SRD5A2: variants seen among roughly 807,000 people sequenced by gnomAD.
The protein encoded by SRD5A2 is steroid 5 alpha-reductase 2, also known as 3-oxo-5-alpha-steroid 4-dehydrogenase 2.
SRD5A2 carries 30 observed loss-of-function variants against 27.4 expected under a neutral mutation model. That is an observed-to-expected ratio of 1.10 (90% CI 0.82 to 1.49). The LOEUF is 1.49. Among genes scored for constraint, SRD5A2 ranks in the 40% most tolerant of loss-of-function variants. The pLI, the probability that SRD5A2 is intolerant of heterozygous loss-of-function variation, is 0.00. For synonymous variants in SRD5A2, 141 were observed against 133.6 expected, an observed-to-expected ratio of 1.06 and a Z score of -0.38; for missense variants, 348 against 323.4, an observed-to-expected ratio of 1.08 and a Z score of -0.58.
the SRD5A2 span, among the ~76,000 whole-genome samples, chr2:31,639,113 A>T: frequency 6.6e-5 from 10 of 152,000 alleles, no homozygotes; most frequent in Non-Finnish European, 1.5e-4. Context: ...GGCTATTTTA[A>T]AAAATCTTAC....
At chr2:31,606,394 T>C in the SRD5A2 span, among the ~76,000 whole-genome samples, 4 of 151,926 alleles carry the variant, frequency 2.6e-5, no homozygotes, top group South Asian at 2.1e-4. Context: ...TATCAAAACA[T>C]TGTACCCCTT....
chr2:31,536,691 T>C (rs2148068896), intron 1 of SRD5A2, among the ~76,000 whole-genome samples: 2 of 152,214 alleles, frequency 1.3e-5, no homozygotes, highest in South Asian at 2.1e-4. Context: ...TGGAAATAGT[T>C]CAAAGCTTGT....
upstream of SRD5A2, among the ~76,000 whole-genome samples, chr2:31,583,647 AAAACC>A (rs1654687831): frequency 1.0e-4 from 3 of 29,552 alleles, no homozygotes; most frequent in African/African-American, 2.0e-4. Flanking sequence ...AAGCAAAAAA[AAAACC>A]AAAAAAAAAG....
chr2:31,606,118 T>C, the SRD5A2 span, among the ~76,000 whole-genome samples: 13 of 151,874 alleles, frequency 8.6e-5, no homozygotes, highest in East Asian at 2.3e-3. Flanking sequence ...CTCATGGAGA[T>C]AAACAGTAGA....
At chr2:31,617,404 A>G in the SRD5A2 span, among the ~76,000 whole-genome samples, 1 of 152,178 alleles carries the variant, frequency 6.6e-6, no homozygotes, top group Admixed American at 6.5e-5. Flanking sequence ...GAGCTGCCAC[A>G]AAAGTCTCTG....
the SRD5A2 span, among the ~76,000 whole-genome samples, chr2:31,601,939 A>G: frequency 6.6e-6 from 1 of 152,132 alleles, no homozygotes; most frequent in Non-Finnish European, 1.5e-5. Flanking sequence ...TGACAAATCC[A>G]CAGCCAATAT....
At chr2:31,581,923 C>T (rs963752183), upstream of SRD5A2, among the ~76,000 whole-genome samples, 1 of 152,178 alleles carries the variant, frequency 6.6e-6, no homozygotes, top group Admixed American at 6.5e-5. Flanking sequence ...CCAGCCCCTC[C>T]GTCTTCTACC....
the SRD5A2 span, among the ~76,000 whole-genome samples, chr2:31,646,743 G>A: frequency 6.6e-6 from 1 of 152,094 alleles, no homozygotes; most frequent in Non-Finnish European, 1.5e-5. Context: ...AAAAAAAAAT[G>A]AGGTTAGACT....
At chr2:31,629,097 C>T in the SRD5A2 span, among the ~76,000 whole-genome samples, 1 of 152,098 alleles carries the variant, frequency 6.6e-6, no homozygotes, top group Non-Finnish European at 1.5e-5. Flanking sequence ...AACACTGCCC[C>T]CAATGCCGGT....
chr2:31,612,750 T>C, the SRD5A2 span, among the ~76,000 whole-genome samples: 1 of 152,194 alleles, frequency 6.6e-6, no homozygotes. Context: ...AGGATCACAC[T>C]GACAGATTTC....
At chr2:31,601,295 A>G in the SRD5A2 span, among the ~76,000 whole-genome samples, 2 of 152,080 alleles carry the variant, frequency 1.3e-5, no homozygotes, top group Non-Finnish European at 2.9e-5. Flanking sequence ...AAACATCTCT[A>G]TGCAATAAAC....
At chr2:31,624,668 C>T in the SRD5A2 span, among the ~76,000 whole-genome samples, 1 of 152,122 alleles carries the variant, frequency 6.6e-6, no homozygotes, top group Non-Finnish European at 1.5e-5. Flanking sequence ...TCATCCATGT[C>T]CCTACAAAGG....
Position 31,567,252 on chromosome 2 carries a change from T to C in SRD5A2, c.281+13368A>G, listed in dbSNP as rs144309178. The stretch of plus-strand genomic sequence containing the variant: ...CTCCTCTACTCACACCTCAAAAAAG[T>C]GAAACAGCTTATCAGCACTTGTTGA... On this transcript the variant is annotated intron_variant, in intron 1 of 4. Transcript: ENST00000622030. Among the ~76,000 whole-genome samples, 791 of 152,216 alleles carry C rather than the reference T, an allele frequency of 5.2e-3. 5 individuals carry two copies. Among genetic ancestry groups the C allele is most frequent in the African/African-American group, 0.018 (744 of 41,530 alleles).
intron 1 of SRD5A2, 110 bp downstream of exon 1, chr2:31,580,510 G>T: frequency 7.6e-7 from 1 of 1,320,200 alleles, no homozygotes; most frequent in Non-Finnish European, 1.0e-6. Context: ...TCCTCACAGC[G>T]CCCCACGCTG....
At chr2:31,644,192 A>G in the SRD5A2 span, among the ~76,000 whole-genome samples, 1 of 152,200 alleles carries the variant, frequency 6.6e-6, no homozygotes, top group Non-Finnish European at 1.5e-5. Flanking sequence ...ATAATGAGAA[A>G]ACATCAGGCA....
intron 1 of SRD5A2, among the ~76,000 whole-genome samples, chr2:31,554,924 CGTGT>C (rs59697517): frequency 0.32 from 42,187 of 131,752 alleles, 5,643 homozygotes; most frequent in Admixed American, 0.36. Flanking sequence ...CTATCCTGAT[CGTGT>C]GTGTGTGTGT....
chr2:31,648,035 A>G, the SRD5A2 span, among the ~76,000 whole-genome samples: 1 of 152,128 alleles, frequency 6.6e-6, no homozygotes, highest in Non-Finnish European at 1.5e-5. Flanking sequence ...TGCATGTTTT[A>G]TTTTGCTAAT....
the SRD5A2 span, among the ~76,000 whole-genome samples, chr2:31,608,219 A>G: frequency 6.6e-6 from 1 of 152,042 alleles, no homozygotes; most frequent in Non-Finnish European, 1.5e-5. Flanking sequence ...CAATTATATC[A>G]TAAGAGATAG....
chr2:31,609,775 T>C, the SRD5A2 span, among the ~76,000 whole-genome samples: 1 of 152,098 alleles, frequency 6.6e-6, no homozygotes, highest in East Asian at 1.9e-4. Flanking sequence ...AACACTACCA[T>C]CAGGAAAGTG....
Sources: gnomAD v4.1 joint callset for allele counts (sites outside exome capture counted in the v4.1 genomes callset) on GRCh38, gnomAD v4.1.1 for gene constraint, MANE v1.5 for transcripts, NCBI Gene and HGNC (gene_info 2026-07-23, HGNC 2026-07-21) for gene names.